USP40: variants seen among roughly 807,000 people sequenced by gnomAD.
USP40 encodes the protein ubiquitin specific peptidase 40, also known as ubiquitin carboxyl-terminal hydrolase 40.
Under a neutral mutation model 166.2 loss-of-function variants are expected in USP40, and 143 were observed. The observed-to-expected ratio is 0.86, with a 90% CI of 0.75 to 0.99. The LOEUF is 0.99. Ranked by LOEUF, USP40 falls within the 50% of genes least tolerant of loss-of-function variation. The pLI, the probability that USP40 is intolerant of heterozygous loss-of-function variation, is 0.00. For missense variants in USP40, 1,444 were observed against 1,479.7 expected (o/e 0.98, Z 0.40); for synonymous variants, 498 against 524.0 (o/e 0.95, Z 0.68).
chr2:233,557,109 A>C, intron 4 of USP40, 90 bp from the exon 5 acceptor site: 1 of 1,197,518 alleles, frequency 8.4e-7, no homozygotes, highest in South Asian at 1.5e-5. Flanking sequence ...AAAACTCAAG[A>C]TTTATCAAGC....
At chr2:233,554,679 A>G (rs1013047715) in intron 5 of USP40, among the ~76,000 whole-genome samples, 153 bp from the exon 6 acceptor site, 1 of 152,162 alleles carries the variant, frequency 6.6e-6, no homozygotes, top group Non-Finnish European at 1.5e-5. Context: ...TGTGAAGTTC[A>G]TAACACTAAA....
chr2:233,548,548 T>G (rs2125342315), intron 8 of USP40, among the ~76,000 whole-genome samples: 1 of 152,292 alleles, frequency 6.6e-6, no homozygotes, highest in South Asian at 2.1e-4. Flanking sequence ...GTTAGCTAAC[T>G]AAATACCATG....
At chr2:233,554,274 C>A in intron 6 of USP40, 106 bp downstream of exon 6, 2 of 1,164,494 alleles carry the variant, frequency 1.7e-6, no homozygotes, top group Non-Finnish European at 2.3e-6. Context: ...CTTTTCAATC[C>A]TTAGTGTCAA....
At chr2:233,549,645 CT>C (rs58888838) in intron 7 of USP40, among the ~76,000 whole-genome samples, 1 of 151,610 alleles carries the variant, frequency 6.6e-6, no homozygotes, top group Non-Finnish European at 1.5e-5. Flanking sequence ...AATGCATCCC[CT>C]TTTTTTATTG....
At chr2:233,546,885 T>C (rs761419219) in intron 8 of USP40, 8 of 152,122 alleles carry the variant, frequency 5.3e-5, no homozygotes, top group Non-Finnish European at 1.2e-4. Flanking sequence ...ACGATAAGGA[T>C]TGGCTCAAAT....
chr2:233,510,871 A>G (rs1239336028), intron 20 of USP40, among the ~76,000 whole-genome samples: 1 of 152,134 alleles, frequency 6.6e-6, no homozygotes, highest in Admixed American at 6.5e-5. Flanking sequence ...CAAGACTCCA[A>G]AGGAAAAATA....
chr2:233,553,837 C>G (rs902000017), intron 6 of USP40, among the ~76,000 whole-genome samples: 1 of 31,816 alleles, frequency 3.1e-5, no homozygotes, highest in African/African-American at 4.9e-5. Context: ...TGCTTCAGTC[C>G]TGACTTTCTT....
chr2:233,489,346 C>G lies in USP40; in HGVS notation c.3131+19G>C. On this transcript the variant is annotated intron_variant, in intron 27 of 31. Transcript: ENST00000678225. ...TCAGCAGCAGAGAGGGACAGTGTTG[C>G]GTCCAGCAAGGAACCTACCTGAGTG... The G allele has an allele frequency of 6.4e-7, 1 of 1,560,944 alleles. No individual in the cohort carries two copies.
intron 18 of USP40, among the ~76,000 whole-genome samples, chr2:233,514,486 G>A (rs1004940918): frequency 6.6e-6 from 1 of 151,930 alleles, no homozygotes; most frequent in Non-Finnish European, 1.5e-5. Context: ...AAGTCAGCAT[G>A]GGAAGTGAGT....
chr2:233,548,763 T>G (rs2070241669), intron 8 of USP40, among the ~76,000 whole-genome samples: 1 of 152,154 alleles, frequency 6.6e-6, no homozygotes, highest in African/African-American at 2.4e-5. Flanking sequence ...AGGGACCTGG[T>G]GTCTTCAACT....
chr2:233,541,260 A>C (rs1042188663), intron 9 of USP40, among the ~76,000 whole-genome samples: 2 of 152,202 alleles, frequency 1.3e-5, no homozygotes, highest in African/African-American at 4.8e-5. Context: ...AATATTTCAG[A>C]ATGTGACCAC....
At chr2:233,520,459 G>A (rs776747061) in intron 17 of USP40, among the ~76,000 whole-genome samples, 5 of 151,894 alleles carry the variant, frequency 3.3e-5, no homozygotes, top group Non-Finnish European at 5.9e-5. Context: ...AATGAATTGA[G>A]ACTACATAAA....
intron 18 of USP40, among the ~76,000 whole-genome samples, chr2:233,517,530 G>A (rs548579452): frequency 7.2e-5 from 11 of 152,084 alleles, no homozygotes; most frequent in Admixed American, 2.0e-4. Flanking sequence ...AACTACAGGC[G>A]CACACCACCA....
At chr2:233,562,829 T>C (rs1163563864) in intron 2 of USP40, 26 bp from the exon 3 acceptor site, 1 of 1,484,488 alleles carries the variant, frequency 6.7e-7, no homozygotes, top group Non-Finnish European at 9.0e-7. Context: ...GAATCAGAGA[T>C]GCAAATGACA....
rs1462655018 is a variant in USP40, at chr2:233,519,719, A to G, written c.2326-48T>C. The G allele has an allele frequency of 4.6e-6, 5 of 1,076,860 alleles. No homozygotes were observed. In the East Asian group the frequency reaches 1.4e-4, roughly 29 times the overall value. 66.7% of individuals were successfully genotyped at this position (1,076,860 alleles called of 1,614,324 possible). A position where few individuals can be genotyped will look rare whatever the true frequency, so the allele number is the denominator to read the frequency against. ...TGACTAAGTTGTAAAAAATGGGAGG[A>G]GATGAAAATGAGGATTGTCACTGTG... On this transcript the variant is annotated intron_variant, in intron 17 of 31. Transcript: ENST00000678225.
chr2:233,533,116 G>A (rs2068670509), intron 11 of USP40, among the ~76,000 whole-genome samples: 1 of 151,820 alleles, frequency 6.6e-6, no homozygotes, highest in African/African-American at 2.4e-5. Flanking sequence ...TAAGACCAGG[G>A]CCACTTAAAA....
At chr2:233,518,915 A>G (rs2067453007) in intron 18 of USP40, among the ~76,000 whole-genome samples, 1 of 152,248 alleles carries the variant, frequency 6.6e-6, no homozygotes, top group African/African-American at 2.4e-5. Context: ...ATAATGGAAT[A>G]CTAGACTAGT....
chr2:233,484,162 A>C (rs190388820), intron 30 of USP40, among the ~76,000 whole-genome samples: 1 of 152,350 alleles, frequency 6.6e-6, no homozygotes, highest in Admixed American at 6.5e-5. Flanking sequence ...TGTCTCAACA[A>C]CAACAACAAA....
In USP40 at chr2:233,527,429, T is replaced by A; in HGVS notation, c.1703A>T (p.Asp568Val). 6.2e-7 allele frequency: 1 copy of A among 1,613,146 alleles called. No homozygotes were observed. Among genetic ancestry groups the A allele is most frequent in the Non-Finnish European group, 8.5e-7 (1 of 1,179,744 alleles). ...LTFDKRKTLG[D>V]LRQSIFQLLE... is the part of the protein sequence containing the mutation. ...TACCTGAAATATTGACTGCCGGAGA[T>A]CTCCTAAAGTTTTTCTTTTATCAAA... Residue 568 changes from aspartate to valine, a missense_variant, in exon 13 of 32, where the codon GAT (aspartate) becomes GTT (valine). By Grantham distance (152) the Asp-to-Val change is radical (BLOSUM62 -3). Coordinates refer to ENST00000678225, the MANE Select transcript of USP40 (RefSeq NM_001365479.2).
Sources: gnomAD v4.1 joint callset for allele counts (sites outside exome capture counted in the v4.1 genomes callset) on GRCh38, gnomAD v4.1.1 for gene constraint, MANE v1.5 for transcripts, NCBI Gene and HGNC (gene_info 2026-07-23, HGNC 2026-07-21) for gene names.